KIF2C: variants seen among roughly 807,000 people sequenced by gnomAD.
KIF2C encodes kinesin family member 2C.
Under a neutral mutation model 97.4 loss-of-function variants are expected in KIF2C, and 34 were observed. The ratio of observed to expected loss-of-function variants is 0.35; its 90% CI spans 0.27 to 0.46. The LOEUF (loss-of-function observed/expected upper bound fraction) is 0.46, where lower values mean the gene tolerates loss of function less well. Ranked by LOEUF, KIF2C falls within the 20% of genes least tolerant of loss-of-function variation. KIF2C has a pLI of 1.00. For synonymous variants in KIF2C, 313 were observed against 318.2 expected, an observed-to-expected ratio of 0.98 and a Z score of 0.17; for missense variants, 750 against 907.6, an observed-to-expected ratio of 0.83 and a Z score of 2.23.
chr1:44,767,047 G>T (rs200068594), intron 20 of KIF2C, 50 bp from the exon 21 acceptor site: 1 of 1,607,332 alleles, frequency 6.2e-7, no homozygotes, highest in South Asian at 1.1e-5. Context: ...GTGAATGGGG[G>T]CTCCTCAGAC....
intron 1 of KIF2C, 134 bp downstream of exon 1, chr1:44,740,136 G>T: frequency 9.4e-7 from 1 of 1,064,352 alleles, no homozygotes; most frequent in Non-Finnish European, 1.5e-6. Flanking sequence ...CACTCACTCC[G>T]GGTCTCTGCA....
chr1:44,758,196 C>A, intron 13 of KIF2C, 56 bp downstream of exon 13: 2 of 1,521,308 alleles, frequency 1.3e-6, no homozygotes, highest in Non-Finnish European at 1.8e-6. Context: ...TTTTTAAAAC[C>A]TTGAAGCTGG....
chr1:44,766,269 G>A (rs533661102), intron 19 of KIF2C, among the ~76,000 whole-genome samples: 3 of 152,018 alleles, frequency 2.0e-5, no homozygotes, highest in Admixed American at 6.6e-5. Flanking sequence ...TCTAGCTTGG[G>A]CATCAGGACC....
At position 44,760,142 on chromosome 1, in the gene KIF2C, CA is replaced by C. The variant is rs1650060127; in HGVS notation, c.1368-136del. 1.4e-6 allele frequency: 1 copy of C among 702,334 alleles called. No individual in the cohort carries two copies. Among genetic ancestry groups the C allele is most frequent in the South Asian group, 1.8e-5 (1 of 54,852 alleles). The allele number at this position is 702,334 out of a possible 1,614,324, so 43.5% of individuals were successfully genotyped here. The stretch of plus-strand genomic sequence containing the variant: ...AGGGAGAATTGCTACCCAGGGAGGG[CA>C]AGATGGAAGCCTGGGACAGGAAAAC... On this transcript the variant is annotated intron_variant, in intron 14 of 20. Transcript: ENST00000372224. This position sits in a 1 kb window ranked among gnomAD's most constrained non-coding sequence, Gnocchi z 4.2.
In KIF2C at chr1:44,757,666, G is replaced by A. The variant is rs369094631; in HGVS notation, c.1068+20G>A. The A allele has an allele frequency of 7.7e-5, 119 of 1,553,132 alleles. No homozygotes were observed. Among genetic ancestry groups the A allele is most frequent in the Non-Finnish European group, 9.9e-5 (111 of 1,124,672 alleles). ...ACACATGTGAGTATTGAGGCCTGGC[G>A]GGGAAAGAGCCTTTCCCTTGTGCAC... On this transcript the variant is annotated intron_variant, in intron 11 of 20. Transcript: ENST00000372224.
In KIF2C at chr1:44,739,874, G is replaced by A. The variant is rs2148818568; in HGVS notation, c.-59G>A. 1 of 1,499,316 alleles carries A rather than the reference G, an allele frequency of 6.7e-7. No homozygotes were observed. The highest frequency in any genetic ancestry group is 9.3e-7 in the Non-Finnish European group (1 of 1,075,468). 92.9% of individuals were successfully genotyped at this position (1,499,316 alleles called of 1,614,324 possible). ...TTTACGCGGCGTTAAGACTTCGTAG[G>A]GTTAGCGAAATTGAGGTTTCTTGGT... is the stretch of plus-strand genomic sequence containing the variant. On this transcript the variant is annotated 5_prime_UTR_variant, in exon 1 of 21. Coordinates refer to ENST00000372224, the MANE Select transcript of KIF2C (RefSeq NM_006845.4).
In KIF2C at chr1:44,759,268, G is replaced by A. The variant is rs753312298; in HGVS notation, c.1287G>A (p.Val429=). ...LRVLEDGKQQ[V]QVVGLQEHLV... ...TGCTGGAGGACGGCAAGCAACAGGT[G>A]CAAGTGGTGGGGCTGCAGGAGCATC... The change falls in exon 14 of 21, where the codon GTG becomes GTA. Residue 429 remains valine (V), a synonymous_variant. Coordinates refer to ENST00000372224, the MANE Select transcript of KIF2C (RefSeq NM_006845.4). 10 of 1,614,110 alleles carry A rather than the reference G, an allele frequency of 6.2e-6. No individual in the cohort carries two copies. The highest frequency in any genetic ancestry group is 8.5e-6 in the Non-Finnish European group (10 of 1,180,052).
intron 19 of KIF2C, 22 bp from the exon 20 acceptor site, chr1:44,766,804 C>T (rs1252714047): frequency 6.2e-7 from 1 of 1,612,880 alleles, no homozygotes; most frequent in Non-Finnish European, 8.5e-7. Context: ...ATTGAACTGA[C>T]AAGGTCCTCC....
At position 44,753,958 on chromosome 1, in the gene KIF2C, CTTTTTTTTTTT is replaced by C. The variant is rs34685023; in HGVS notation, c.663+142_663+152del. ...GGCTCCAGTTCTTGAGGCCCCAATTCTTTTTTTTTTTTTTTTTTTTTTTTTTTGCTCTGTTG... is the reference window on the plus strand; with the variant it reads ...GGCTCCAGTTCTTGAGGCCCCAATTCTTTTTTTTTTTTTTTTGCTCTGTTG... On this transcript the variant is annotated intron_variant, in intron 7 of 20. Coordinates refer to ENST00000372224, the MANE Select transcript of KIF2C (RefSeq NM_006845.4). 7.4e-4 allele frequency: 50 copies of C among 67,912 alleles called. 1 individual carries two copies. Among genetic ancestry groups the C allele is most frequent in the East Asian group, 4.7e-3 (12 of 2,550 alleles). 4.2% of individuals were successfully genotyped at this position (67,912 alleles called of 1,614,324 possible).
intron 19 of KIF2C, among the ~76,000 whole-genome samples, chr1:44,764,303 G>T (rs766084055): frequency 4.1e-5 from 6 of 144,854 alleles, no homozygotes; most frequent in Non-Finnish European, 6.2e-5. Flanking sequence ...AGCCTCCTGC[G>T]TACCTGGGAT....
At chr1:44,763,126 TC>T (rs1650256125) in intron 19 of KIF2C, among the ~76,000 whole-genome samples, 1 of 152,206 alleles carries the variant, frequency 6.6e-6, no homozygotes, top group Admixed American at 6.6e-5. Context: ...AGTTTTTGCA[TC>T]TCTGAAATGG....
chr1:44,761,774 G>T, intron 16 of KIF2C, 142 bp from the exon 17 acceptor site: 1 of 743,480 alleles, frequency 1.3e-6, no homozygotes, highest in African/African-American at 1.7e-5. Flanking sequence ...AGCACAGCGC[G>T]GTGCTAAATG....
chr1:44,743,725 A>G (rs989766998), intron 2 of KIF2C, among the ~76,000 whole-genome samples: 1 of 152,174 alleles, frequency 6.6e-6, no homozygotes, highest in South Asian at 2.1e-4. Flanking sequence ...CCAGGAGTTC[A>G]GGGCTACAGT....
intron 7 of KIF2C, 106 bp downstream of exon 7, chr1:44,753,939 A>T (rs1573563729): frequency 2.9e-6 from 1 of 343,564 alleles, no homozygotes; most frequent in Non-Finnish European, 5.4e-6. Flanking sequence ...CTGAGGCTCC[A>T]GTTCTTGAGG....
In KIF2C at chr1:44,756,226, A is replaced by T. The variant is rs1402190950; in HGVS notation, c.966A>T (p.Glu322Asp). The stretch of plus-strand genomic sequence containing the variant: ...CATTTGATGAAACAGCTTCGAATGA[A>T]GTTGTCTACAGGTTAGTCCCTTGCA... ...DFAFDETASN[E>D]VVYRFTARPL... The change falls in exon 10 of 21, where the codon GAA becomes GAT. Residue 322 changes from glutamate to aspartate, a missense_variant. Transcript: ENST00000372224. 1 of 1,614,100 alleles carries T rather than the reference A, an allele frequency of 6.2e-7. No individual in the cohort carries two copies. The highest frequency in any genetic ancestry group is 8.5e-7 in the Non-Finnish European group (1 of 1,180,040).
intron 13 of KIF2C, 58 bp from the exon 14 acceptor site, chr1:44,759,148 G>T: frequency 6.2e-7 from 1 of 1,607,716 alleles, no homozygotes. Flanking sequence ...GGAGGAAGCA[G>T]TCGGGTGGGG....
Position 44,760,235 on chromosome 1 carries a change from T to C in KIF2C, c.1368-45T>C. 1 of 1,575,474 alleles carries C rather than the reference T, an allele frequency of 6.3e-7. No homozygotes were observed. The highest frequency in any genetic ancestry group is 2.2e-5 in the East Asian group (1 of 44,632). On this transcript the variant is annotated intron_variant, in intron 14 of 20. Transcript: ENST00000372224. The surrounding 1 kb of genome is among the most constrained non-coding windows in gnomAD (Gnocchi z 4.2). ...AGAACTTCTGTGGACTTGGGTGCCA[T>C]GGGGGCTGGTGACCACAGAATCTCA...
At chr1:44,762,275 G>C (rs751844985) in intron 17 of KIF2C, 71 bp from the exon 18 acceptor site, 10 of 1,366,722 alleles carry the variant, frequency 7.3e-6, no homozygotes, top group Non-Finnish European at 9.4e-6. Flanking sequence ...CTCGAAGCCT[G>C]GGCGGTGCCA....
At chr1:44,750,401 G>A in intron 4 of KIF2C, 41 bp from the exon 5 acceptor site, 1 of 1,337,710 alleles carries the variant, frequency 7.5e-7, no homozygotes, top group Non-Finnish European at 9.7e-7. Context: ...CCACCCTCGA[G>A]ATCGTGCAGC....
Sources: gnomAD v4.1 joint callset for allele counts (sites outside exome capture counted in the v4.1 genomes callset) on GRCh38, gnomAD v4.1.1 for gene constraint, Gnocchi (gnomAD v3.1) non-coding constraint, MANE v1.5 for transcripts, NCBI Gene and HGNC (gene_info 2026-07-23, HGNC 2026-07-21) for gene names.